Variants in CCDC178 observed in about 807,000 individuals in gnomAD.
The protein encoded by CCDC178 is coiled-coil domain containing 178.
Under a neutral mutation model 117.4 loss-of-function variants are expected in CCDC178, and 126 were observed. The ratio of observed to expected loss-of-function variants is 1.07; its 90% CI spans 0.93 to 1.24. The LOEUF (loss-of-function observed/expected upper bound fraction) is 1.24. Among genes scored for constraint, CCDC178 ranks in the 50% most tolerant of loss-of-function variants. The pLI is 0.00. For missense variants in CCDC178, 1,030 were observed against 986.9 expected, an observed-to-expected ratio of 1.04 and a Z score of -0.59; for synonymous variants, 283 against 313.4, an observed-to-expected ratio of 0.90 and a Z score of 1.02.
chr18:33,282,782 T>C (rs1039291376), intron 12 of CCDC178, among the ~76,000 whole-genome samples: 3 of 152,146 alleles, frequency 2.0e-5, no homozygotes, highest in African/African-American at 4.8e-5. Context: ...CTGATGGCCA[T>C]TGCAGAGAAC....
chr18:33,023,070 G>C (rs1427733836), intron 21 of CCDC178, among the ~76,000 whole-genome samples: 1 of 152,014 alleles, frequency 6.6e-6, no homozygotes, highest in African/African-American at 2.4e-5. Flanking sequence ...CTAAAAGCTG[G>C]GCTGCAAAAT....
chr18:33,410,124 T>G (rs1054483900), intron 3 of CCDC178, among the ~76,000 whole-genome samples: 3 of 152,168 alleles, frequency 2.0e-5, no homozygotes, highest in Admixed American at 1.3e-4. Context: ...ACTGGATCAT[T>G]TTCTGTTCCA....
chr18:33,229,847 G>A (rs891551299), intron 15 of CCDC178, among the ~76,000 whole-genome samples: 2 of 152,144 alleles, frequency 1.3e-5, no homozygotes, highest in African/African-American at 4.8e-5. Flanking sequence ...GTTCCAATTA[G>A]CTAGTGATGC....
At chr18:33,427,174 A>G (rs1047053973) in intron 2 of CCDC178, among the ~76,000 whole-genome samples, 2 of 152,122 alleles carry the variant, frequency 1.3e-5, no homozygotes, top group Non-Finnish European at 2.9e-5. Flanking sequence ...AAGAAAAATG[A>G]TTTTCAAATA....
At chr18:33,181,693 G>T (rs893556204) in intron 20 of CCDC178, among the ~76,000 whole-genome samples, 2 of 151,746 alleles carry the variant, frequency 1.3e-5, no homozygotes, top group African/African-American at 4.8e-5. Flanking sequence ...ATTAATAGAG[G>T]TTATAACAGT....
intron 2 of CCDC178, among the ~76,000 whole-genome samples, chr18:33,436,426 G>T (rs185430987): frequency 6.6e-6 from 1 of 152,308 alleles, no homozygotes; most frequent in Admixed American, 6.5e-5. Context: ...AGCTAGACAT[G>T]AAGTGAGATA....
chr18:33,164,711 A>G (rs1274816271), intron 20 of CCDC178, among the ~76,000 whole-genome samples: 2 of 152,054 alleles, frequency 1.3e-5, no homozygotes, highest in South Asian at 2.1e-4. Context: ...TAAATTGGGT[A>G]TATTGCCATT....
chr18:33,266,254 G>C (rs2059813082), intron 14 of CCDC178, among the ~76,000 whole-genome samples: 1 of 151,970 alleles, frequency 6.6e-6, no homozygotes, highest in Non-Finnish European at 1.5e-5. Flanking sequence ...CCCCAGATGT[G>C]AATAATCCCT....
intron 8 of CCDC178, among the ~76,000 whole-genome samples, chr18:33,348,380 GA>G (rs2062925043): frequency 6.6e-6 from 1 of 151,644 alleles, no homozygotes; most frequent in South Asian, 2.1e-4. Context: ...TATAAATTGT[GA>G]TAAGAATATT....
rs531336941 is a variant in CCDC178, at chr18:33,276,401, C to T, written c.1177-9104G>A. Among the ~76,000 whole-genome samples, 90 of 151,842 alleles carry T rather than the reference C, an allele frequency of 5.9e-4. 6 individuals carry two copies. Among genetic ancestry groups the T allele is most frequent in the Non-Finnish European group, 7.4e-5 (5 of 67,974 alleles). Reference sequence around the variant, plus strand: ...CTTACTAGATATCTAAGTGGAGATTCAGAGTTGGCAGTTGGATTCAGAGTT... The same window carrying T: ...CTTACTAGATATCTAAGTGGAGATTTAGAGTTGGCAGTTGGATTCAGAGTT... On this transcript the variant is annotated intron_variant, in intron 12 of 22. Transcript: ENST00000383096.
chr18:33,340,602 C>T (rs1442670521), intron 9 of CCDC178, among the ~76,000 whole-genome samples: 1 of 152,128 alleles, frequency 6.6e-6, no homozygotes, highest in East Asian at 1.9e-4. Flanking sequence ...CCAGGGTCCC[C>T]ATGCTGTGTG....
intron 5 of CCDC178, among the ~76,000 whole-genome samples, chr18:33,374,097 CAG>C (rs1288527338): frequency 6.6e-6 from 1 of 152,108 alleles, no homozygotes; most frequent in Non-Finnish European, 1.5e-5. Flanking sequence ...GGGAGAAAAA[CAG>C]AGCACAGTGA....
At chr18:33,224,976 C>A in intron 16 of CCDC178, 40 bp from the exon 17 acceptor site, 1 of 1,415,468 alleles carries the variant, frequency 7.1e-7, no homozygotes, top group Non-Finnish European at 9.3e-7. Context: ...CAGTTATTAA[C>A]TTAAACATTT....
intron 12 of CCDC178, among the ~76,000 whole-genome samples, chr18:33,272,309 GAATA>G (rs1167477734): frequency 3.3e-5 from 5 of 151,288 alleles, no homozygotes; most frequent in Non-Finnish European, 5.9e-5. Context: ...AACATGAAAT[GAATA>G]AATTCCCAAA....
In CCDC178 at chr18:33,322,101, T is replaced by C. The variant is rs186121221; in HGVS notation, c.1022+1390A>G. 8.6e-4 allele frequency among the ~76,000 whole-genome samples: 130 copies of C among 152,038 alleles called. 1 individual carries two copies. Among genetic ancestry groups the C allele is most frequent in the Admixed American group, 2.2e-3 (33 of 15,286 alleles). ...TAACAACTTCAAATTTGCATGCACC[T>C]GAGAATATAGCCTCAAAATATAGGA... On this transcript the variant is annotated intron_variant, in intron 11 of 22. Transcript: ENST00000383096.
At chr18:33,178,017 T>C (rs1374213938) in intron 20 of CCDC178, among the ~76,000 whole-genome samples, 1 of 151,958 alleles carries the variant, frequency 6.6e-6, no homozygotes, top group African/African-American at 2.4e-5. Flanking sequence ...CTCAGTGGAC[T>C]TTTTTTTGAT....
intron 21 of CCDC178, among the ~76,000 whole-genome samples, chr18:33,045,111 T>C (rs777982762): frequency 6.6e-6 from 1 of 152,100 alleles, no homozygotes; most frequent in Non-Finnish European, 1.5e-5. Flanking sequence ...CCATGGTGCA[T>C]GTAAGAAATG....
At chr18:33,397,304 G>T in intron 3 of CCDC178, 96 bp from the exon 4 acceptor site, 1 of 742,684 alleles carries the variant, frequency 1.3e-6, no homozygotes, top group Non-Finnish European at 2.2e-6. Context: ...AAGAAAATCA[G>T]CATCAGAATA....
chr18:33,117,919 G>C (rs143911027), intron 20 of CCDC178, among the ~76,000 whole-genome samples: 1 of 152,010 alleles, frequency 6.6e-6, no homozygotes, highest in African/African-American at 2.4e-5. Flanking sequence ...GGTACAAAGA[G>C]AGGCCCTGGA....
Sources: gnomAD v4.1 joint callset for allele counts (sites outside exome capture counted in the v4.1 genomes callset) on GRCh38, gnomAD v4.1.1 for gene constraint, MANE v1.5 for transcripts, NCBI Gene and HGNC (gene_info 2026-07-23, HGNC 2026-07-21) for gene names.